The following CMAS variants were observed in gnomAD, a reference collection of about 807,000 sequenced individuals.
CMAS encodes cytidine monophosphate N-acetylneuraminic acid synthetase, also known as N-acylneuraminate cytidylyltransferase.
Under a neutral mutation model 53.4 loss-of-function variants are expected in CMAS, and 21 were observed. The ratio of observed to expected loss-of-function variants is 0.39; its 90% CI spans 0.28 to 0.57. The LOEUF is 0.57. CMAS is among the 20% of genes least tolerant of loss of function. CMAS has a pLI of 0.56. For missense variants in CMAS, 384 were observed against 534.9 expected, an observed-to-expected ratio of 0.72 and a Z score of 2.78; for synonymous variants, 189 against 195.2, an observed-to-expected ratio of 0.97 and a Z score of 0.27.
At chr12:22,063,501 T>G (rs943591881) in intron 7 of CMAS, among the ~76,000 whole-genome samples, 205 of 152,156 alleles carry the variant, frequency 1.3e-3, no homozygotes, top group African/African-American at 4.5e-3. Context: ...CAAACCAAAT[T>G]TTATAAAGCC....
At chr12:22,057,249 A>G (rs1950274501) in intron 3 of CMAS, among the ~76,000 whole-genome samples, 1 of 150,678 alleles carries the variant, frequency 6.6e-6, no homozygotes. Context: ...ATACACACAC[A>G]CACACACACA....
At position 22,062,545 on chromosome 12, in the gene CMAS, T is replaced by C. The variant is rs556361501; in HGVS notation, c.1114+111T>C. 14 of 1,104,650 alleles carry C rather than the reference T, an allele frequency of 1.3e-5. No homozygotes were observed. In the African/African-American group the frequency reaches 1.9e-4, roughly 15 times the overall value. The allele number at this position is 1,104,650 out of a possible 1,614,324, so 68.4% of individuals were successfully genotyped here. Reference sequence around the variant, plus strand: ...CCAAATGGGTATGATTGTAGGGAAATAGGAACTCTTTTAACAAACACTGCT... The same window carrying C: ...CCAAATGGGTATGATTGTAGGGAAACAGGAACTCTTTTAACAAACACTGCT... On this transcript the variant is annotated intron_variant, in intron 7 of 7. Coordinates refer to ENST00000229329, the MANE Select transcript of CMAS (RefSeq NM_018686.6).
intron 1 of CMAS, among the ~76,000 whole-genome samples, chr12:22,054,205 G>A (rs1646113626): frequency 6.6e-6 from 1 of 152,080 alleles, no homozygotes; most frequent in South Asian, 2.1e-4. Context: ...GGGATTACAG[G>A]TGTGAGACTC....
At position 22,062,427 on chromosome 12, in the gene CMAS, A is replaced by C. The variant is rs774836191; in HGVS notation, c.1107A>C (p.Ala369=). The C allele has an allele frequency of 6.2e-7, 1 of 1,612,624 alleles. No individual in the cohort carries two copies. The highest frequency in any genetic ancestry group is 8.5e-7 in the Non-Finnish European group (1 of 1,179,566). ...KEMGLCWKEV[A]YLGNEVSDEE... is the part of the protein sequence containing the mutation. The stretch of plus-strand genomic sequence containing the variant: ...TGGGCCTGTGCTGGAAAGAAGTGGC[A>C]TATCTTGGTTGGTATCTTTTTATTC... The change falls in exon 7 of 8, where the codon GCA becomes GCC. Residue 369 remains alanine (A), a synonymous_variant. Coordinates refer to ENST00000229329, the MANE Select transcript of CMAS (RefSeq NM_018686.6).
rs368101382 is a variant in CMAS, at chr12:22,055,624, A to G, written c.559+14A>G. 2.8e-5 allele frequency: 45 copies of G among 1,600,682 alleles called. No homozygotes were observed. The African/African-American group carries it at 4.6e-4, about 16-fold the overall frequency. On this transcript the variant is annotated intron_variant, in intron 3 of 7. Transcript: ENST00000229329. Reference sequence around the variant, plus strand: ...TTCAGAAAGGAGGTAATCTCTTTTCAGTCTTTATTTTAGCTGATTTTATTG... The same window carrying G: ...TTCAGAAAGGAGGTAATCTCTTTTCGGTCTTTATTTTAGCTGATTTTATTG...
intron 1 of CMAS, 98 bp downstream of exon 1, chr12:22,046,661 G>A: frequency 1.5e-6 from 2 of 1,316,864 alleles, no homozygotes; most frequent in Non-Finnish European, 2.0e-6. Context: ...CACCGCTCTT[G>A]GAAGGGGGCC....
chr12:22,057,546 C>T (rs1950276234), intron 3 of CMAS, among the ~76,000 whole-genome samples: 1 of 151,928 alleles, frequency 6.6e-6, no homozygotes, highest in African/African-American at 2.4e-5. Context: ...TGTATAAAAA[C>T]AAGTTCTCAA....
chr12:22,062,907 C>T (rs1161694820), intron 7 of CMAS, among the ~76,000 whole-genome samples: 1 of 152,028 alleles, frequency 6.6e-6, no homozygotes, highest in Admixed American at 6.6e-5. Flanking sequence ...GACAAATGGG[C>T]CAATAGTGAA....
At chr12:22,060,771 A>G in intron 4 of CMAS, 61 bp from the exon 5 acceptor site, 7 of 917,706 alleles carry the variant, frequency 7.6e-6, no homozygotes, top group Non-Finnish European at 1.1e-5. Context: ...ATTATAATAA[A>G]GTTTTGATAT....
chr12:22,051,980 G>T (rs371631625), intron 1 of CMAS, among the ~76,000 whole-genome samples: 10 of 152,276 alleles, frequency 6.6e-5, no homozygotes, highest in African/African-American at 1.2e-4. Context: ...GAGGCATAGG[G>T]AGATATGGAT....
Position 22,046,262 on chromosome 12 carries a change from C to T in CMAS, c.-42C>T, listed in dbSNP as rs747557556. The T allele has an allele frequency of 1.4e-6, 2 of 1,411,894 alleles. No individual in the cohort carries two copies. Among genetic ancestry groups the T allele is most frequent in the Non-Finnish European group, 1.9e-6 (2 of 1,080,228 alleles). 87.5% of individuals were successfully genotyped at this position (1,411,894 alleles called of 1,614,324 possible). A position where few individuals can be genotyped will look rare whatever the true frequency, so the allele number is the denominator to read the frequency against. On this transcript the variant is annotated 5_prime_UTR_variant, in exon 1 of 8. Transcript: ENST00000229329. The stretch of plus-strand genomic sequence containing the variant: ...CCGAGCTGAGGTGGTGAGGGACTAG[C>T]TCCCGGATGTGGAGAAGCTGGGGAG...
chr12:22,055,441 CTT>C lies in CMAS; in HGVS notation c.404-13_404-12del, dbSNP rs1950261846. 2 of 1,564,590 alleles carry C rather than the reference CTT, an allele frequency of 1.3e-6. No individual in the cohort carries two copies. Among genetic ancestry groups the C allele is most frequent in the South Asian group, 1.2e-5 (1 of 82,884 alleles). ...TTTTTTAAATATCCTTTTCATTTCTCTTGTCTTTTTAAGAGGTTGACATTGTA... is the reference window on the plus strand; with the variant it reads ...TTTTTTAAATATCCTTTTCATTTCTCGTCTTTTTAAGAGGTTGACATTGTA... On this transcript the variant is annotated splice_polypyrimidine_tract_variant and intron_variant, in intron 2 of 7. Transcript: ENST00000229329.
At chr12:22,061,241 A>T in intron 5 of CMAS, 40 bp from the exon 6 acceptor site, 1 of 1,391,580 alleles carries the variant, frequency 7.2e-7, no homozygotes, top group Non-Finnish European at 1.0e-6. Context: ...AGTGATTAGT[A>T]CTGCACTTGT....
At chr12:22,051,561 G>C (rs746018658) in intron 1 of CMAS, among the ~76,000 whole-genome samples, 4 of 152,090 alleles carry the variant, frequency 2.6e-5, no homozygotes, top group Non-Finnish European at 4.4e-5. Context: ...TGCTTGACTG[G>C]CCTGTTTGTT....
At chr12:22,055,114 G>T in intron 1 of CMAS, 35 bp from the exon 2 acceptor site, 4 of 1,526,896 alleles carry the variant, frequency 2.6e-6, no homozygotes, top group South Asian at 2.6e-5. Context: ...GATTTCTTTT[G>T]ATTTGGCTGT....
chr12:22,056,506 C>T lies in CMAS; in HGVS notation c.559+896C>T, dbSNP rs1018602098. On this transcript the variant is annotated intron_variant, in intron 3 of 7. Coordinates refer to ENST00000229329, the MANE Select transcript of CMAS (RefSeq NM_018686.6). ...GGTTGAAACTTTAATTTCATCTCACCTCTTAGTATAGGTGTCTTATTAGGA... is the reference window on the plus strand; with the variant it reads ...GGTTGAAACTTTAATTTCATCTCACTTCTTAGTATAGGTGTCTTATTAGGA... Among the ~76,000 whole-genome samples, 6 of 152,110 alleles carry T rather than the reference C, an allele frequency of 3.9e-5. No homozygotes were observed. The East Asian group carries it at 7.7e-4, about 20-fold the overall frequency.
intron 4 of CMAS, among the ~76,000 whole-genome samples, chr12:22,059,904 T>C (rs1398233673): frequency 6.6e-6 from 1 of 152,180 alleles, no homozygotes; most frequent in East Asian, 1.9e-4. Context: ...AAATAATTAC[T>C]ATCAGAAGAA....
chr12:22,052,053 C>A (rs944610422), intron 1 of CMAS, among the ~76,000 whole-genome samples: 1 of 152,136 alleles, frequency 6.6e-6, no homozygotes, highest in Non-Finnish European at 1.5e-5. Flanking sequence ...CCTTCAGAAA[C>A]CATCCTTTTA....
At chr12:22,049,605 A>G (rs556688536) in intron 1 of CMAS, among the ~76,000 whole-genome samples, 8 of 152,318 alleles carry the variant, frequency 5.3e-5, no homozygotes, top group South Asian at 2.1e-4. Context: ...ATCTGTCACT[A>G]TATCAATGGT....
Sources: allele counts gnomAD v4.1 joint callset (sites outside exome capture counted in the v4.1 genomes callset), GRCh38; gene constraint gnomAD v4.1.1; transcripts MANE v1.5; gene names NCBI Gene and HGNC (gene_info 2026-07-23, HGNC 2026-07-21).